SLC30A4: variants seen among roughly 807,000 people sequenced by gnomAD.
SLC30A4 encodes the protein solute carrier family 30 member 4.
SLC30A4 carries 20 observed loss-of-function variants against 41.7 expected under a neutral mutation model. That is an observed-to-expected ratio of 0.48 (90% CI 0.34 to 0.70). The LOEUF (loss-of-function observed/expected upper bound fraction) is 0.70, where lower values mean the gene tolerates loss of function less well. Among genes scored for constraint, SLC30A4 ranks in the 30% least tolerant of loss-of-function variants. SLC30A4 has a pLI of 0.01. For missense variants in SLC30A4, 441 were observed against 529.3 expected (o/e 0.83, Z 1.64); for synonymous variants, 181 against 195.9 (o/e 0.92, Z 0.64).
intron 3 of SLC30A4, chr15:45,503,109 T>C (rs1485512022): frequency 6.6e-6 from 1 of 152,148 alleles, no homozygotes; most frequent in Non-Finnish European, 1.5e-5. Flanking sequence ...TAATATACTT[T>C]TATTGAATAC....
At chr15:45,499,159 C>T (rs764194240) in intron 3 of SLC30A4, among the ~76,000 whole-genome samples, 78 of 150,176 alleles carry the variant, frequency 5.2e-4, no homozygotes, top group Middle Eastern at 3.5e-3. Flanking sequence ...CTCAGCTCTG[C>T]TTCCTGAGTT....
At position 45,522,165 on chromosome 15, in the gene SLC30A4, C is replaced by T. The variant is rs148549828; in HGVS notation, c.190G>A (p.Gly64Arg). The T allele has an allele frequency of 7.1e-5, 115 of 1,614,206 alleles. 2 individuals carry two copies. The East Asian group carries it at 2.2e-3, about 31-fold the overall frequency. The change falls in exon 2 of 8, where the codon GGG (glycine) becomes AGG (arginine). Residue 64 changes from glycine to arginine, a missense_variant. Coordinates refer to ENST00000261867, the MANE Select transcript of SLC30A4 (RefSeq NM_013309.6). ...TCGGCCTGGAGGGTCGGGTGCGCCC[C>T]GTTAACAGGCCTTTCCGGGGCTTCG... is the stretch of plus-strand genomic sequence containing the variant. ...GSEAPERPVNGAHPTLQADDD... is the reference protein window; with the variant it reads ...GSEAPERPVNRAHPTLQADDD...
intron 3 of SLC30A4, among the ~76,000 whole-genome samples, chr15:45,499,694 A>C (rs1232765756): frequency 6.6e-6 from 1 of 152,178 alleles, no homozygotes; most frequent in African/African-American, 2.4e-5. Context: ...GTTTCATTAC[A>C]TTCAAAATTG....
In SLC30A4 at chr15:45,484,945, G is replaced by A. The variant is rs149619863; in HGVS notation, c.*218C>T. The A allele has an allele frequency of 6.3e-4, 333 of 527,084 alleles. 1 individual carries two copies. Among genetic ancestry groups the A allele is most frequent in the African/African-American group, 6.1e-3 (310 of 51,110 alleles). The allele number at this position is 527,084 out of a possible 1,614,324, so 32.7% of individuals were successfully genotyped here. A position where few individuals can be genotyped will look rare whatever the true frequency, so the allele number is the denominator to read the frequency against. ...AGAGTCACATCTCATTCTGTAAACAGTGTTTGGGAAACATCTTCATCTGAA... is the reference window on the plus strand; with the variant it reads ...AGAGTCACATCTCATTCTGTAAACAATGTTTGGGAAACATCTTCATCTGAA... On this transcript the variant is annotated 3_prime_UTR_variant, in exon 8 of 8. Transcript: ENST00000261867.
intron 6 of SLC30A4, 97 bp downstream of exon 6, chr15:45,487,430 A>AAAGCAAAAG: frequency 1.5e-6 from 1 of 645,362 alleles, no homozygotes; most frequent in Non-Finnish European, 2.8e-6. Context: ...GTATTAGTAA[A>AAAGCAAAAG]AAGCAAAAGA....
chr15:45,481,690 C>G lies in SLC30A4; in HGVS notation c.*3473G>C, dbSNP rs1891603755. The stretch of plus-strand genomic sequence containing the variant: ...AGAAGTGTAATGCATGGTTGTAGCT[C>G]AACAAGTGAAGGATAGACCAAACGC... On this transcript the variant is annotated 3_prime_UTR_variant, in exon 8 of 8. Transcript: ENST00000261867. 6.6e-6 allele frequency: 1 copy of G among 152,188 alleles called. No individual in the cohort carries two copies. Among genetic ancestry groups the G allele is most frequent in the South Asian group, 2.1e-4 (1 of 4,836 alleles). The allele number at this position is 152,188 out of a possible 1,614,324, so 9.4% of individuals were successfully genotyped here. A position where few individuals can be genotyped will look rare whatever the true frequency, so the allele number is the denominator to read the frequency against.
chr15:45,499,049 C>T (rs926488679), intron 3 of SLC30A4, among the ~76,000 whole-genome samples: 6 of 151,388 alleles, frequency 4.0e-5, no homozygotes, highest in Non-Finnish European at 7.4e-5. Flanking sequence ...GACATCTATC[C>T]TATACTGTCA....
At position 45,483,955 on chromosome 15, in the gene SLC30A4, A is replaced by G. The variant is rs1302262050; in HGVS notation, c.*1208T>C. 6.6e-6 allele frequency: 1 copy of G among 152,044 alleles called. No homozygotes were observed. Among genetic ancestry groups the G allele is most frequent in the African/African-American group, 2.4e-5 (1 of 41,344 alleles). The allele number at this position is 152,044 out of a possible 1,614,324, so 9.4% of individuals were successfully genotyped here. On this transcript the variant is annotated 3_prime_UTR_variant, in exon 8 of 8. Transcript: ENST00000261867. ...TTTCTCAAAGTAATATCTTCCCCCA[A>G]CCCCTTGGACATTTCTGCTATGGTA...
At chr15:45,506,086 G>GGTCCCA (rs1022252665) in intron 3 of SLC30A4, among the ~76,000 whole-genome samples, 13 of 152,118 alleles carry the variant, frequency 8.5e-5, no homozygotes, top group Admixed American at 5.2e-4. Context: ...GCATGCCTGT[G>GGTCCCA]GTCCCAGTCC....
In SLC30A4 at chr15:45,518,481, A is replaced by G. The variant is rs369135695; in HGVS notation, c.391+3483T>C. ...AAAATACACTTCCAAAGAGAAGAGAAAAGAATGGACCTTTACGAAGGTCTC... is the reference window on the plus strand; with the variant it reads ...AAAATACACTTCCAAAGAGAAGAGAGAAGAATGGACCTTTACGAAGGTCTC... On this transcript the variant is annotated intron_variant, in intron 2 of 7. Coordinates refer to ENST00000261867, the MANE Select transcript of SLC30A4 (RefSeq NM_013309.6). Among the ~76,000 whole-genome samples the G allele has an allele frequency of 4.6e-5, 7 of 152,234 alleles. No homozygotes were observed. In the East Asian group the frequency reaches 9.6e-4, roughly 21 times the overall value.
Position 45,522,272 on chromosome 15 carries a change from G to A in SLC30A4, c.83C>T (p.Ala28Val), listed in dbSNP as rs1356011341. The A allele has an allele frequency of 6.2e-7, 1 of 1,614,184 alleles. No individual in the cohort carries two copies. The highest frequency in any genetic ancestry group is 1.3e-5 in the African/African-American group (1 of 75,050). The change falls in exon 2 of 8, where the codon GCC (alanine) becomes GTC (valine). Residue 28 changes from alanine (A) to valine (V), a missense_variant. Physicochemically the swap from Ala to Val is moderately conservative, Grantham distance 64. This residue lies in a region of SLC30A4 where 312 missense variants were observed against 341.9 expected (regional missense o/e 0.91). Transcript: ENST00000261867. Reference sequence around the variant, plus strand: ...CCCCGCCTCATCCGAGAAGTCAAAGGCGCTGGTGTCATTTAAAAACAGCGG... The same window carrying A: ...CCCCGCCTCATCCGAGAAGTCAAAGACGCTGGTGTCATTTAAAAACAGCGG... ...DAPLFLNDTS[A>V]FDFSDEAGDE...
At chr15:45,494,686 T>TCAAAA (rs146741531) in intron 3 of SLC30A4, among the ~76,000 whole-genome samples, 12,326 of 151,380 alleles carry the variant, frequency 0.081, 1,663 homozygotes, top group African/African-American at 0.28. Flanking sequence ...AGACTCTGTC[T>TCAAAA]CAAAACAAAA....
chr15:45,491,547 T>A (rs1045769345), intron 3 of SLC30A4, among the ~76,000 whole-genome samples: 1 of 152,184 alleles, frequency 6.6e-6, no homozygotes, highest in Non-Finnish European at 1.5e-5. Flanking sequence ...GGCAACATAG[T>A]GAGACTCCGT....
intron 3 of SLC30A4, among the ~76,000 whole-genome samples, chr15:45,504,807 T>C (rs1014946846): frequency 4.6e-5 from 7 of 152,168 alleles, no homozygotes; most frequent in Non-Finnish European, 8.8e-5. Context: ...AGATGTTAGG[T>C]AACTTGCCCA....
At chr15:45,521,039 A>G (rs368997586) in intron 2 of SLC30A4, 3 of 466,242 alleles carry the variant, frequency 6.4e-6, no homozygotes, top group African/African-American at 2.0e-5. Flanking sequence ...GGAAATGTAT[A>G]TAATTTTTCC....
rs1257827011 is a variant in SLC30A4 at position 45,480,685 on chromosome 15, G to A, written c.*4478C>T. Reference sequence around the variant, plus strand: ...ATTGCCTAAAACCTTATTTCAAATGGGCTCATATTCTGTAAGAACACCATA... The same window carrying A: ...ATTGCCTAAAACCTTATTTCAAATGAGCTCATATTCTGTAAGAACACCATA... On this transcript the variant is annotated 3_prime_UTR_variant, in exon 8 of 8. Transcript: ENST00000261867. 6.6e-6 allele frequency: 1 copy of A among 151,990 alleles called. No homozygotes were observed. The highest frequency in any genetic ancestry group is 1.9e-4 in the East Asian group (1 of 5,188). 9.4% of individuals were successfully genotyped at this position (151,990 alleles called of 1,614,324 possible).
At chr15:45,505,787 T>G (rs559815967) in intron 3 of SLC30A4, among the ~76,000 whole-genome samples, 1 of 152,284 alleles carries the variant, frequency 6.6e-6, no homozygotes, top group Admixed American at 6.5e-5. Context: ...GCTGGAAGGA[T>G]AGGCTAGAAA....
At chr15:45,487,938 G>GTT (rs1891736989) in intron 5 of SLC30A4, among the ~76,000 whole-genome samples, 2 of 145,722 alleles carry the variant, frequency 1.4e-5, no homozygotes, top group Non-Finnish European at 3.0e-5. Context: ...GTGTGTGTGT[G>GTT]TGTGTGTCAA....
chr15:45,496,087 T>C (rs1595524214), intron 3 of SLC30A4, among the ~76,000 whole-genome samples: 1 of 152,212 alleles, frequency 6.6e-6, no homozygotes, highest in South Asian at 2.1e-4. Flanking sequence ...TTGTTAGGGC[T>C]GAGATTTATA....
Sources: gnomAD v4.1 joint callset for allele counts (sites outside exome capture counted in the v4.1 genomes callset) on GRCh38, gnomAD v4.1.1 for gene constraint, gnomAD v4.1.1 regional missense constraint, MANE v1.5 for transcripts, NCBI Gene and HGNC (gene_info 2026-07-23, HGNC 2026-07-21) for gene names.